The following ABCA13 variants were observed in gnomAD, a reference collection of about 807,000 sequenced individuals.
The protein encoded by ABCA13 is ATP binding cassette subfamily A member 13.
Under a neutral mutation model 478.7 loss-of-function variants are expected in ABCA13, and 476 were observed. The ratio of observed to expected loss-of-function variants is 0.99; its 90% CI spans 0.92 to 1.07. The LOEUF (loss-of-function observed/expected upper bound fraction) is 1.07. ABCA13 is among the 50% of genes least tolerant of loss of function. The pLI is 0.00. For missense variants in ABCA13, 6,060 were observed against 5,910.6 expected (o/e 1.03, Z -0.83); for synonymous variants, 2,252 against 2,158.9 (o/e 1.04, Z -1.20).
At chr7:48,546,509 G>A (rs1387347915) in intron 55 of ABCA13, among the ~76,000 whole-genome samples, 1 of 151,514 alleles carries the variant, frequency 6.6e-6, no homozygotes, top group Non-Finnish European at 1.5e-5. Flanking sequence ...CAAATCTTGC[G>A]CTATGATCGT....
chr7:48,471,433 G>C, intron 44 of ABCA13, 97 bp from the exon 45 acceptor site: 1 of 1,113,570 alleles, frequency 9.0e-7, no homozygotes, highest in African/African-American at 1.6e-5. Flanking sequence ...TGATTATCTT[G>C]TGAACTCTGT....
chr7:48,471,429 T>C, intron 44 of ABCA13, 101 bp from the exon 45 acceptor site: 1 of 1,055,832 alleles, frequency 9.5e-7, no homozygotes, highest in Non-Finnish European at 1.4e-6. Context: ...GAGATGATTA[T>C]CTTGTGAACT....
chr7:48,517,997 A>G (rs1413627174), intron 52 of ABCA13, among the ~76,000 whole-genome samples: 1 of 152,214 alleles, frequency 6.6e-6, no homozygotes, highest in East Asian at 1.9e-4. Flanking sequence ...GATAGCTAAC[A>G]TTAGTTTTTA....
chr7:48,313,133 G>T lies in ABCA13; in HGVS notation c.9583G>T (p.Ala3195Ser). 2 of 1,613,000 alleles carry T rather than the reference G, an allele frequency of 1.2e-6. No individual in the cohort carries two copies. Among genetic ancestry groups the T allele is most frequent in the Non-Finnish European group, 1.7e-6 (2 of 1,179,436 alleles). ...GCTGGATATAGTTTCCAGCCTCAGC[G>T]CCTTGCTTGCCAAAGCCCAGCACGT... is the stretch of plus-strand genomic sequence containing the variant. ...SLLDIVSSLS[A>S]LLAKAQHVFE... Residue 3195 changes from alanine (A) to serine (S), a missense_variant, in exon 25 of 62, where the codon GCC becomes TCC. By Grantham distance (99) the Ala-to-Ser change is moderately conservative (BLOSUM62 1). Coordinates refer to ENST00000435803, the MANE Select transcript of ABCA13 (RefSeq NM_152701.5).
intron 42 of ABCA13, among the ~76,000 whole-genome samples, chr7:48,452,568 G>A (rs150805712): frequency 6.6e-6 from 1 of 152,116 alleles, no homozygotes; most frequent in Non-Finnish European, 1.5e-5. Flanking sequence ...TATCTCTTCT[G>A]CCAACTAAGC....
At chr7:48,258,795 G>T (rs912559886) in intron 15 of ABCA13, among the ~76,000 whole-genome samples, 1 of 152,084 alleles carries the variant, frequency 6.6e-6, no homozygotes, top group Non-Finnish European at 1.5e-5. Context: ...ATGTCCCAGA[G>T]ATTCTTTGTT....
intron 9 of ABCA13, 55 bp from the exon 10 acceptor site, chr7:48,240,812 T>G: frequency 7.2e-7 from 1 of 1,395,734 alleles, no homozygotes; most frequent in Non-Finnish European, 9.5e-7. Flanking sequence ...AACTAAATAC[T>G]GTTCTTTCCA....
chr7:48,390,639 C>T (rs1019568777), intron 37 of ABCA13, among the ~76,000 whole-genome samples: 1 of 152,204 alleles, frequency 6.6e-6, no homozygotes, highest in African/African-American at 2.4e-5. Flanking sequence ...CATGTGACCA[C>T]TGATCTGCTC....
intron 34 of ABCA13, 104 bp downstream of exon 34, chr7:48,374,520 G>A: frequency 9.6e-7 from 1 of 1,042,646 alleles, no homozygotes; most frequent in Non-Finnish European, 1.4e-6. Context: ...TTATCAAGTA[G>A]AGCATTCAGA....
rs771845933 is a variant in ABCA13, at chr7:48,335,553, G to T, written c.10113+18G>T. The T allele has an allele frequency of 3.1e-6, 5 of 1,599,412 alleles. No individual in the cohort carries two copies. The highest frequency in any genetic ancestry group is 4.3e-6 in the Non-Finnish European group (5 of 1,167,172). ...AGCTGCAGGTGAGTGGTTGGTCTTTGCCACCGAGGGATGGGGAGCTACTGC... is the reference window on the plus strand; with the variant it reads ...AGCTGCAGGTGAGTGGTTGGTCTTTTCCACCGAGGGATGGGGAGCTACTGC... On this transcript the variant is annotated intron_variant, in intron 28 of 61. Transcript: ENST00000435803.
intron 27 of ABCA13, among the ~76,000 whole-genome samples, chr7:48,332,497 A>T (rs1175715954): frequency 6.6e-6 from 1 of 152,188 alleles, no homozygotes; most frequent in Admixed American, 6.5e-5. Context: ...TGACTATCAG[A>T]AGGTGTTATG....
At chr7:48,541,717 GAT>G (rs10578720) in intron 55 of ABCA13, among the ~76,000 whole-genome samples, 66,794 of 149,172 alleles carry the variant, frequency 0.45, 18,339 homozygotes, top group African/African-American at 0.75. Flanking sequence ...AAGAAAAAGA[GAT>G]ATATATATAC....
At chr7:48,590,327 CAG>C (rs1789594457) in intron 57 of ABCA13, among the ~76,000 whole-genome samples, 1 of 151,212 alleles carries the variant, frequency 6.6e-6, no homozygotes, top group Non-Finnish European at 1.5e-5. Context: ...GACAAGGAAA[CAG>C]GGAGAGAGAG....
chr7:48,628,009 C>T (rs1793821624), intron 59 of ABCA13, among the ~76,000 whole-genome samples: 2 of 152,166 alleles, frequency 1.3e-5, no homozygotes, highest in African/African-American at 2.4e-5. Flanking sequence ...AGTGCTACCA[C>T]ATTGAGGAAT....
chr7:48,596,614 T>C (rs1790306218), intron 58 of ABCA13, among the ~76,000 whole-genome samples: 1 of 151,970 alleles, frequency 6.6e-6, no homozygotes, highest in African/African-American at 2.4e-5. Flanking sequence ...ATCAAGACCA[T>C]GGAGAAACCA....
intron 42 of ABCA13, among the ~76,000 whole-genome samples, chr7:48,450,499 G>T (rs1240233881): frequency 6.6e-6 from 1 of 152,090 alleles, no homozygotes; most frequent in East Asian, 1.9e-4. Flanking sequence ...TTTATCAAAT[G>T]GCATGTAGGG....
intron 57 of ABCA13, among the ~76,000 whole-genome samples, chr7:48,591,874 C>A (rs1454603357): frequency 6.6e-6 from 1 of 151,746 alleles, no homozygotes; most frequent in African/African-American, 2.4e-5. Context: ...TTGGTGGAGT[C>A]TATAGTGTTT....
chr7:48,417,078 T>C (rs1351666206), intron 41 of ABCA13, among the ~76,000 whole-genome samples: 2 of 152,204 alleles, frequency 1.3e-5, no homozygotes, highest in African/African-American at 4.8e-5. Context: ...CTCCCCTCCC[T>C]GCTTTAAGGC....
At chr7:48,206,573 A>G (rs7788566) in intron 3 of ABCA13, among the ~76,000 whole-genome samples, 58,499 of 151,822 alleles carry the variant, frequency 0.39, 12,935 homozygotes, top group Non-Finnish European at 0.51. Flanking sequence ...AGGATGACCC[A>G]GGATGTTCTT....
Sources: allele counts gnomAD v4.1 joint callset (sites outside exome capture counted in the v4.1 genomes callset), GRCh38; gene constraint gnomAD v4.1.1; transcripts MANE v1.5; gene names NCBI Gene and HGNC (gene_info 2026-07-23, HGNC 2026-07-21).